Variants in SWAP70 observed in about 807,000 individuals in gnomAD.
SWAP70 encodes the protein switching B cell complex subunit SWAP70, also known as switch-associated protein 70.
SWAP70 carries 34 observed loss-of-function variants against 80.2 expected under a neutral mutation model. The ratio of observed to expected loss-of-function variants is 0.42; its 90% CI spans 0.32 to 0.56. The LOEUF is 0.56. Ranked by LOEUF, SWAP70 falls within the 20% of genes least tolerant of loss-of-function variation. SWAP70 has a pLI of 0.09. For synonymous variants in SWAP70, 239 were observed against 238.5 expected (o/e 1.00, Z -0.02); for missense variants, 578 against 690.7 (o/e 0.84, Z 1.83).
chr11:9,724,302 TTGAG>T (rs1333524477), intron 3 of SWAP70, among the ~76,000 whole-genome samples: 3 of 152,240 alleles, frequency 2.0e-5, no homozygotes, highest in Non-Finnish European at 2.9e-5. Context: ...CGCTTGTTTG[TTGAG>T]TAAGACTAAT....
At position 9,737,319 on chromosome 11, in the gene SWAP70, A is replaced by AGGGAGTGC. The variant is rs147264052; in HGVS notation, c.1081-893_1081-886dup. Among the ~76,000 whole-genome samples the AGGGAGTGC allele has an allele frequency of 6.5e-3, 989 of 152,248 alleles. 10 individuals are homozygous for AGGGAGTGC. The highest frequency in any genetic ancestry group is 0.023 in the African/African-American group (942 of 41,540). ...TCTCACTGACACTGTGGGGGTGGGGAGGGAGTGCATCATATGCCACAGACC... is the reference window on the plus strand; with the variant it reads ...TCTCACTGACACTGTGGGGGTGGGGAGGGAGTGCGGGAGTGCATCATATGCCACAGACC... On this transcript the variant is annotated intron_variant, in intron 7 of 11. Transcript: ENST00000318950.
chr11:9,726,987 ATATTTGG>A (rs768269216), intron 4 of SWAP70: 1 of 456,182 alleles, frequency 2.2e-6, no homozygotes, highest in South Asian at 1.5e-5. Context: ...AAGTCCTTGA[ATATTTGG>A]TTTAGAAGAT....
In SWAP70 at chr11:9,749,981, T is replaced by C; in HGVS notation, c.*11T>C. 1 of 1,572,948 alleles carries C rather than the reference T, an allele frequency of 6.4e-7. No homozygotes were observed. The highest frequency in any genetic ancestry group is 8.8e-7 in the Non-Finnish European group (1 of 1,142,802). On this transcript the variant is annotated 3_prime_UTR_variant, in exon 12 of 12. Coordinates refer to ENST00000318950, the MANE Select transcript of SWAP70 (RefSeq NM_015055.4). ...AAGACCACGGAGTGACTGAGCTTGC[T>C]GGCAGTCACGTCAGTTATGTAGATA...
At chr11:9,675,626 C>A (rs1037393620) in intron 1 of SWAP70, among the ~76,000 whole-genome samples, 1 of 151,896 alleles carries the variant, frequency 6.6e-6, no homozygotes, top group Admixed American at 6.6e-5. Flanking sequence ...TAGGTTTTCT[C>A]GAATCTTTAA....
chr11:9,728,198 A>C lies in SWAP70; in HGVS notation c.788A>C (p.Glu263Ala). Residue 263 changes from glutamate to alanine, a missense_variant and splice_region_variant, in exon 5 of 12, where the codon GAG becomes GCG. Glu to Ala is a moderately radical substitution (Grantham distance 107, BLOSUM62 -1). Transcript: ENST00000318950. Reference protein sequence around the residue: ...DILLDENCCVESLPDKDGKKC... With the variant: ...DILLDENCCVASLPDKDGKKC... ...CTCTTGGATGAAAATTGCTGTGTAG[A>C]GGTGAGTCTACTCTTACTTCTTTGC... The C allele has an allele frequency of 6.2e-7, 1 of 1,603,652 alleles. No homozygotes were observed. Among genetic ancestry groups the C allele is most frequent in the South Asian group, 1.1e-5 (1 of 89,450 alleles).
At chr11:9,698,214 C>T (rs751238395) in intron 2 of SWAP70, among the ~76,000 whole-genome samples, 2 of 149,610 alleles carry the variant, frequency 1.3e-5, no homozygotes, top group Non-Finnish European at 3.0e-5. Flanking sequence ...AATTTTCTTG[C>T]CCCAGCCTCC....
At chr11:9,731,608 G>A (rs1279363869) in intron 6 of SWAP70, among the ~76,000 whole-genome samples, 1 of 152,168 alleles carries the variant, frequency 6.6e-6, no homozygotes, top group African/African-American at 2.4e-5. Flanking sequence ...GTGCCATGCA[G>A]TACTTTATGT....
chr11:9,670,104 C>T (rs896763406), intron 1 of SWAP70, among the ~76,000 whole-genome samples: 1 of 152,008 alleles, frequency 6.6e-6, no homozygotes, highest in Non-Finnish European at 1.5e-5. Flanking sequence ...CCAGCTGGGG[C>T]GACATAGCAG....
At chr11:9,735,280 C>T (rs528042503) in intron 7 of SWAP70, among the ~76,000 whole-genome samples, 1 of 152,286 alleles carries the variant, frequency 6.6e-6, no homozygotes, top group African/African-American at 2.4e-5. Flanking sequence ...TGTTCTGCCT[C>T]CAGTTTATTT....
At position 9,747,945 on chromosome 11, in the gene SWAP70, G is replaced by A. The variant is rs141252614; in HGVS notation, c.1443G>A (p.Glu481=). ...QQQAIQTTEA[E]KQELENQRVL... ...AGGCCATTCAGACAACCGAGGCGGA[G>A]AAGCAGGAGTTGGAGAATCAGCGTG... Residue 481 remains glutamate, a synonymous_variant, in exon 10 of 12, where the codon GAG becomes GAA. Transcript: ENST00000318950. The A allele has an allele frequency of 1.6e-5, 26 of 1,614,082 alleles. No homozygotes were observed. The highest frequency in any genetic ancestry group is 2.0e-5 in the Non-Finnish European group (24 of 1,180,044).
intron 3 of SWAP70, among the ~76,000 whole-genome samples, chr11:9,716,815 A>G (rs946317947): frequency 2.0e-5 from 3 of 152,186 alleles, no homozygotes; most frequent in African/African-American, 7.2e-5. Context: ...CCACAAGAGT[A>G]GGTTAGATCA....
intron 1 of SWAP70, among the ~76,000 whole-genome samples, chr11:9,684,609 G>A (rs1436369397): frequency 1.3e-5 from 2 of 151,982 alleles, no homozygotes; most frequent in Non-Finnish European, 2.9e-5. Context: ...TAGATCTCAG[G>A]CCAGACGAGT....
At chr11:9,720,829 T>A (rs929927305) in intron 3 of SWAP70, among the ~76,000 whole-genome samples, 2 of 152,246 alleles carry the variant, frequency 1.3e-5, no homozygotes, top group African/African-American at 4.8e-5. Flanking sequence ...TTTTTTATTT[T>A]TTTAAAGATG....
chr11:9,727,791 A>G (rs1851244730), intron 4 of SWAP70, among the ~76,000 whole-genome samples: 1 of 152,218 alleles, frequency 6.6e-6, no homozygotes, highest in Admixed American at 6.5e-5. Flanking sequence ...CTTAATGTCA[A>G]GGGGATTCTA....
At chr11:9,681,502 C>T (rs372323703) in intron 1 of SWAP70, among the ~76,000 whole-genome samples, 3 of 152,126 alleles carry the variant, frequency 2.0e-5, no homozygotes, top group East Asian at 1.9e-4. Flanking sequence ...GGCAGAGATA[C>T]GGTTTTAAAA....
At chr11:9,725,714 G>C (rs912783768) in intron 4 of SWAP70, among the ~76,000 whole-genome samples, 1 of 151,340 alleles carries the variant, frequency 6.6e-6, no homozygotes, top group African/African-American at 2.4e-5. Flanking sequence ...TGGGACTACA[G>C]GTGTGCGCCA....
intron 1 of SWAP70, 108 bp from the exon 2 acceptor site, chr11:9,694,037 AT>A: frequency 1.5e-6 from 2 of 1,361,718 alleles, no homozygotes; most frequent in South Asian, 1.8e-5. Flanking sequence ...TTGCTAGTTT[AT>A]TTTCCATCTT....
At chr11:9,691,775 A>C (rs994714059) in intron 1 of SWAP70, among the ~76,000 whole-genome samples, 1 of 152,206 alleles carries the variant, frequency 6.6e-6, no homozygotes, top group Non-Finnish European at 1.5e-5. Flanking sequence ...GAGGATGACA[A>C]TATGACATCC....
rs1193497162 is a variant in SWAP70 at position 9,729,341 on chromosome 11, A to G, written c.790-2A>G. 6.2e-7 allele frequency: 1 copy of G among 1,602,272 alleles called. No individual in the cohort carries two copies. ...AGGAACTAATTTTGCTTTCTGTTTT[A>G]GTCCTTGCCTGACAAAGATGGAAAG... is the stretch of plus-strand genomic sequence containing the variant. On this transcript the variant is annotated splice_acceptor_variant, in intron 5 of 11. Transcript: ENST00000318950. LOFTEE classifies it high-confidence loss of function.
Sources: gnomAD v4.1 joint callset for allele counts (sites outside exome capture counted in the v4.1 genomes callset) on GRCh38, gnomAD v4.1.1 for gene constraint, MANE v1.5 for transcripts, NCBI Gene and HGNC (gene_info 2026-07-23, HGNC 2026-07-21) for gene names.